The following SLC38A4 variants were observed in gnomAD, a reference collection of about 807,000 sequenced individuals.
SLC38A4 encodes sodium-coupled neutral amino acid transporter 4.
A neutral mutation model predicts 63.1 loss-of-function variants in SLC38A4; 20 were observed. That is an observed-to-expected ratio of 0.32 (90% confidence interval 0.22 to 0.46). The LOEUF is 0.46. Among genes scored for constraint, SLC38A4 ranks in the 20% least tolerant of loss-of-function variants. The pLI, the probability that SLC38A4 is intolerant of heterozygous loss-of-function variation, is 1.00. For synonymous variants in SLC38A4, 230 were observed against 225.5 expected, an observed-to-expected ratio of 1.02 and a Z score of -0.18; for missense variants, 526 against 663.6, an observed-to-expected ratio of 0.79 and a Z score of 2.28.
rs568146453 is a variant in SLC38A4 at position 46,813,957 on chromosome 12, A to G, written c.-304-10163T>C. ...ATTGTCTCTGACTTCAATACCTAAT[A>G]TGATACCGATTTAATAAGTCTTTTT... is the stretch of plus-strand genomic sequence containing the variant. On this transcript the variant is annotated intron_variant, in intron 1 of 16. Coordinates refer to ENST00000266579, the MANE Select transcript of SLC38A4 (RefSeq NM_018018.5). Among the ~76,000 whole-genome samples, 12 of 152,162 alleles carry G rather than the reference A, an allele frequency of 7.9e-5. No homozygotes were observed. In the South Asian group the frequency reaches 2.3e-3, roughly 29 times the overall value.
At chr12:46,788,826 G>A (rs1007494315) in intron 3 of SLC38A4, among the ~76,000 whole-genome samples, 3 of 152,102 alleles carry the variant, frequency 2.0e-5, no homozygotes, top group Non-Finnish European at 4.4e-5. Flanking sequence ...GAAGAAGGAT[G>A]TTATAAAGGA....
rs138696543 is a variant in SLC38A4, at chr12:46,779,796, C to T, written c.642G>A (p.Ser214=). 486 of 1,610,442 alleles carry T rather than the reference C, an allele frequency of 3.0e-4. 2 individuals are homozygous for T. Among genetic ancestry groups the T allele is most frequent in the East Asian group, 2.1e-3 (93 of 44,682 alleles). The change falls in exon 9 of 17, where the codon TCG becomes TCA. Residue 214 remains serine, a synonymous_variant. Coordinates refer to ENST00000266579, the MANE Select transcript of SLC38A4 (RefSeq NM_018018.5). ...FVSVGIILPL[S]LLKNLGYLGY... ...TATCTTTACCTAAATTTTTAAGGAG[C>T]GAAAGTGGAAGAATAATTCCAACAG...
intron 1 of SLC38A4, among the ~76,000 whole-genome samples, chr12:46,824,742 CG>C (rs1434797308): frequency 6.6e-6 from 1 of 152,040 alleles, no homozygotes; most frequent in African/African-American, 2.4e-5. Context: ...AAGTGGTTGC[CG>C]GGGTAGCGAG....
chr12:46,786,368 C>G (rs2120809030), intron 5 of SLC38A4, among the ~76,000 whole-genome samples: 1 of 151,948 alleles, frequency 6.6e-6, no homozygotes, highest in Middle Eastern at 3.4e-3. Context: ...CAAAACACAC[C>G]CCATGATGTT....
chr12:46,773,187 CAT>C (rs1207767604), intron 14 of SLC38A4, among the ~76,000 whole-genome samples: 2 of 152,068 alleles, frequency 1.3e-5, no homozygotes, highest in East Asian at 1.9e-4. Flanking sequence ...ATTCGTAGCA[CAT>C]GTCACCAAGG....
Position 46,816,486 on chromosome 12 carries a change from G to C in SLC38A4, c.-305+9417C>G, listed in dbSNP as rs570451245. ...GAACCTCAAAAAACTTTAAAAAACA[G>C]ACAAAAAACATTCTATACCTATTTC... On this transcript the variant is annotated intron_variant, in intron 1 of 16. Coordinates refer to ENST00000266579, the MANE Select transcript of SLC38A4 (RefSeq NM_018018.5). 3.3e-5 allele frequency among the ~76,000 whole-genome samples: 5 copies of C among 151,924 alleles called. No homozygotes were observed. The East Asian group carries it at 7.8e-4, about 24-fold the overall frequency.
chr12:46,777,646 A>G (rs1938557718), intron 12 of SLC38A4, among the ~76,000 whole-genome samples: 1 of 152,036 alleles, frequency 6.6e-6, no homozygotes, highest in African/African-American at 2.4e-5. Context: ...GTTGAGAATT[A>G]TTATATAATA....
intron 14 of SLC38A4, among the ~76,000 whole-genome samples, chr12:46,772,576 T>A (rs1026429668): frequency 2.6e-5 from 4 of 152,034 alleles, no homozygotes; most frequent in Non-Finnish European, 5.9e-5. Flanking sequence ...GAGAAAGAAA[T>A]GTTGGGCTGC....
chr12:46,767,542 G>A (rs771935242), intron 16 of SLC38A4, among the ~76,000 whole-genome samples: 6 of 151,978 alleles, frequency 3.9e-5, no homozygotes, highest in Non-Finnish European at 7.4e-5. Flanking sequence ...ACTACATAGA[G>A]TTAAAATTTG....
chr12:46,832,195 C>A (rs1939740538), intron 1 of SLC38A4: 1 of 152,070 alleles, frequency 6.6e-6, no homozygotes, highest in African/African-American at 2.4e-5. Context: ...GATTGAGAGA[C>A]CGGGCTACAC....
intron 2 of SLC38A4, among the ~76,000 whole-genome samples, chr12:46,793,460 A>G (rs1938934246): frequency 6.6e-6 from 1 of 152,170 alleles, no homozygotes; most frequent in South Asian, 2.1e-4. Context: ...CACTATGGAA[A>G]AAAAAAGAAA....
chr12:46,766,446 A>G lies in SLC38A4; in HGVS notation c.*255T>C, dbSNP rs774965981. Reference sequence around the variant, plus strand: ...CGTAAAGCAGCAAAAATACACCTTCATCATCTCACACTGCTCTAGCAAAAC... The same window carrying G: ...CGTAAAGCAGCAAAAATACACCTTCGTCATCTCACACTGCTCTAGCAAAAC... On this transcript the variant is annotated 3_prime_UTR_variant, in exon 17 of 17. Coordinates refer to ENST00000266579, the MANE Select transcript of SLC38A4 (RefSeq NM_018018.5). 52 of 588,118 alleles carry G rather than the reference A, an allele frequency of 8.8e-5. 2 individuals are homozygous for G. Among genetic ancestry groups the G allele is most frequent in the South Asian group, 7.1e-4 (47 of 65,742 alleles). The allele number at this position is 588,118 out of a possible 1,614,324, so 36.4% of individuals were successfully genotyped here.
intron 1 of SLC38A4, among the ~76,000 whole-genome samples, chr12:46,820,574 C>A (rs1014084772): frequency 9.2e-5 from 14 of 152,040 alleles, no homozygotes; most frequent in African/African-American, 3.4e-4. Context: ...ATCTATTCAT[C>A]TGTCCATGGA....
chr12:46,779,904 A>T (rs1328102584), intron 8 of SLC38A4, 42 bp from the exon 9 acceptor site: 3 of 1,609,686 alleles, frequency 1.9e-6, no homozygotes, highest in Admixed American at 3.3e-5. Context: ...GAAAAGACCA[A>T]GTAGAATGAG....
intron 1 of SLC38A4, among the ~76,000 whole-genome samples, chr12:46,812,043 CTTAAG>C (rs1164110788): frequency 1.3e-5 from 2 of 151,930 alleles, no homozygotes; most frequent in Non-Finnish European, 2.9e-5. Flanking sequence ...AAGATCAATG[CTTAAG>C]TTAATTATAT....
chr12:46,792,719 A>T (rs957583630), intron 3 of SLC38A4, among the ~76,000 whole-genome samples: 4 of 152,168 alleles, frequency 2.6e-5, no homozygotes, highest in Non-Finnish European at 4.4e-5. Flanking sequence ...AATTAAAATT[A>T]TTACACATTA....
chr12:46,829,445 T>TAAAA (rs5798002), upstream of SLC38A4, among the ~76,000 whole-genome samples: 1 of 148,348 alleles, frequency 6.7e-6, no homozygotes. Context: ...ATGTAAAAAG[T>TAAAA]AAAAAAAAAA....
At chr12:46,795,462 A>C (rs970401454) in intron 2 of SLC38A4, among the ~76,000 whole-genome samples, 3 of 152,104 alleles carry the variant, frequency 2.0e-5, no homozygotes, top group African/African-American at 7.2e-5. Context: ...TATTACCAAA[A>C]CTTTGAAAGC....
Position 46,809,018 on chromosome 12 carries a change from A to G in SLC38A4, c.-304-5224T>C, listed in dbSNP as rs150113645. 2.2e-3 allele frequency among the ~76,000 whole-genome samples: 330 copies of G among 152,112 alleles called. 1 individual carries two copies. Among genetic ancestry groups the G allele is most frequent in the African/African-American group, 7.3e-3 (305 of 41,542 alleles). ...CTTAGATCACAGCATATTAATTTCC[A>G]TGACTCTCTTTCATACTCCTGCCTG... On this transcript the variant is annotated intron_variant, in intron 1 of 16. Transcript: ENST00000266579.
Sources: gnomAD v4.1 joint callset for allele counts (sites outside exome capture counted in the v4.1 genomes callset) on GRCh38, gnomAD v4.1.1 for gene constraint, MANE v1.5 for transcripts, NCBI Gene and HGNC (gene_info 2026-07-23, HGNC 2026-07-21) for gene names.